The following TAS2R50 variants were observed in gnomAD, a reference collection of about 807,000 sequenced individuals.
TAS2R50 encodes the protein taste 2 receptor member 50.
For synonymous variants in TAS2R50, 140 were observed against 126.9 expected, an observed-to-expected ratio of 1.10 and a Z score of -0.70; for missense variants, 372 against 347.0, an observed-to-expected ratio of 1.07 and a Z score of -0.57.
rs1939597581 is a variant in TAS2R50 at position 10,986,013 on chromosome 12, G to C, written c.848C>G (p.Thr283Ser). The C allele has an allele frequency of 6.2e-7, 1 of 1,613,740 alleles. No individual in the cohort carries two copies. The highest frequency in any genetic ancestry group is 1.3e-5 in the African/African-American group (1 of 74,844). ...AFDSFILIWR[T>S]KKLKHTFLLI... ...AAGAAAGGTGTGTTTTAGCTTCTTG[G>C]TTCTCCAAATTAGGATGAATGAGTC... Residue 283 changes from threonine (T) to serine (S), a missense_variant, in exon 1 of 1, where the codon ACC (threonine) becomes AGC (serine). Physicochemically the swap from Thr to Ser is moderately conservative, Grantham distance 58. Coordinates refer to ENST00000506868, the MANE Select transcript of TAS2R50 (RefSeq NM_176890.2).
Position 10,986,494 on chromosome 12 carries a change from T to G in TAS2R50, c.367A>C (p.Arg123=). 1 of 1,614,084 alleles carries G rather than the reference T, an allele frequency of 6.2e-7. No individual in the cohort carries two copies. Among genetic ancestry groups the G allele is most frequent in the Middle Eastern group, 1.6e-4 (1 of 6,062 alleles). The change falls in exon 1 of 1, where the codon AGG becomes CGG. Residue 123 remains arginine (R), a synonymous_variant. Transcript: ENST00000506868. The part of the protein sequence containing the change: ...FSNLLFLHLK[R]RVRSVILVIL... ...ACCAGAATGACACTCCTAACTCTCCTCTTTAAATGAAGAAAAAGAAGGTTG... is the reference window on the plus strand; with the variant it reads ...ACCAGAATGACACTCCTAACTCTCCGCTTTAAATGAAGAAAAAGAAGGTTG...
rs763724290 is a variant in TAS2R50 at position 10,986,051 on chromosome 12, T to C, written c.810A>G (p.Ile270Met). 10 of 1,613,952 alleles carry C rather than the reference T, an allele frequency of 6.2e-6. No individual in the cohort carries two copies. Among genetic ancestry groups the C allele is most frequent in the African/African-American group, 1.3e-5 (1 of 74,876 alleles). The change falls in exon 1 of 1, where the codon ATA becomes ATG. Residue 270 changes from isoleucine to methionine, a missense_variant. Ile to Met is a conservative substitution (Grantham distance 10). Coordinates refer to ENST00000506868, the MANE Select transcript of TAS2R50 (RefSeq NM_176890.2). ...GGATGAATGAGTCGAATGCAAGATA[T>C]ATGTTTCCAACAGCCTTGCTAACCA... ...VVMVSKAVGN[I>M]YLAFDSFILI...
chr12:10,986,187 A>T lies in TAS2R50; in HGVS notation c.674T>A (p.Ile225Lys). ...GGAGATCAGAGTTTGCAAAGCTTTTATGTGGACCTTGGTGCTGAGATCTTG... is the reference window on the plus strand; with the variant it reads ...GGAGATCAGAGTTTGCAAAGCTTTTTTGTGGACCTTGGTGCTGAGATCTTG... ...GSQDLSTKVHIKALQTLISFL... is the reference protein window; with the variant it reads ...GSQDLSTKVHKKALQTLISFL... The change falls in exon 1 of 1, where the codon ATA becomes AAA. Residue 225 changes from isoleucine (I) to lysine (K), a missense_variant. Ile to Lys is a moderately radical substitution (Grantham distance 102). Transcript: ENST00000506868. The T allele has an allele frequency of 6.2e-7, 1 of 1,614,082 alleles. No homozygotes were observed. Among genetic ancestry groups the T allele is most frequent in the Non-Finnish European group, 8.5e-7 (1 of 1,180,000 alleles).
In TAS2R50 at chr12:10,986,204, G is replaced by A. The variant is rs1939613545; in HGVS notation, c.657C>T (p.Leu219=). ...AAGCTTTTATGTGGACCTTGGTGCT[G>A]AGATCTTGCGATCCTTCTCCATGGA... ...MQLHGEGSQD[L]STKVHIKALQ... Residue 219 remains leucine, a synonymous_variant, in exon 1 of 1, where the codon CTC becomes CTT. Coordinates refer to ENST00000506868, the MANE Select transcript of TAS2R50 (RefSeq NM_176890.2). 2 of 1,613,976 alleles carry A rather than the reference G, an allele frequency of 1.2e-6. No homozygotes were observed. Among genetic ancestry groups the A allele is most frequent in the African/African-American group, 2.7e-5 (2 of 74,878 alleles).
Position 10,986,043 on chromosome 12 carries a change from G to A in TAS2R50, c.818C>T (p.Ala273Val). Residue 273 changes from alanine to valine, a missense_variant, in exon 1 of 1, where the codon GCA becomes GTA. Physicochemically the swap from Ala to Val is moderately conservative, Grantham distance 64. Coordinates refer to ENST00000506868, the MANE Select transcript of TAS2R50 (RefSeq NM_176890.2). ...CCAAATTAGGATGAATGAGTCGAAT[G>A]CAAGATATATGTTTCCAACAGCCTT... ...VSKAVGNIYL[A>V]FDSFILIWRT... The A allele has an allele frequency of 6.2e-7, 1 of 1,614,040 alleles. No homozygotes were observed. The highest frequency in any genetic ancestry group is 8.5e-7 in the Non-Finnish European group (1 of 1,179,980).
At position 10,986,680 on chromosome 12, in the gene TAS2R50, C is replaced by T; in HGVS notation, c.181G>A (p.Ala61Thr). Residue 61 changes from alanine (A) to threonine (T), a missense_variant, in exon 1 of 1, where the codon GCA (alanine) becomes ACA (threonine). Coordinates refer to ENST00000506868, the MANE Select transcript of TAS2R50 (RefSeq NM_176890.2). ...LAVSRIGLLWALLLNWYLTVL... is the reference protein window; with the variant it reads ...LAVSRIGLLWTLLLNWYLTVL... ...GTTAAATACCAATTTAATAATAATG[C>T]CCAGAGCAAACCAATTCTGGAGACC... 1.2e-6 allele frequency: 2 copies of T among 1,612,196 alleles called. No homozygotes were observed. The highest frequency in any genetic ancestry group is 1.7e-6 in the Non-Finnish European group (2 of 1,179,578).
Position 10,986,771 on chromosome 12 carries a change from T to C in TAS2R50, c.90A>G (p.Val30=). Residue 30 remains valine (V), a synonymous_variant, in exon 1 of 1, where the codon GTA becomes GTG. Coordinates refer to ENST00000506868, the MANE Select transcript of TAS2R50 (RefSeq NM_176890.2). Reference sequence around the variant, plus strand: ...TTCTCTTCACCCAGTCAATGAAATTTACCAGTGCTATGAAGCCATTGGCAA... The same window carrying C: ...TTCTCTTCACCCAGTCAATGAAATTCACCAGTGCTATGAAGCCATTGGCAA... ...GNFANGFIAL[V]NFIDWVKRKK... 1 of 1,608,348 alleles carries C rather than the reference T, an allele frequency of 6.2e-7. No individual in the cohort carries two copies. The highest frequency in any genetic ancestry group is 8.5e-7 in the Non-Finnish European group (1 of 1,178,740).
In TAS2R50 at chr12:10,986,481, C is replaced by T. The variant is rs11054133; in HGVS notation, c.380G>A (p.Ser127Asn). 4 of 1,613,916 alleles carry T rather than the reference C, an allele frequency of 2.5e-6. No homozygotes were observed. Among genetic ancestry groups the T allele is most frequent in the African/African-American group, 2.7e-5 (2 of 74,832 alleles). ...CCCCAACAGTATCACCAGAATGACA[C>T]TCCTAACTCTCCTCTTTAAATGAAG... ...LFLHLKRRVRSVILVILLGTL... is the reference protein window; with the variant it reads ...LFLHLKRRVRNVILVILLGTL... The change falls in exon 1 of 1, where the codon AGT (serine) becomes AAT (asparagine). Residue 127 changes from serine (S) to asparagine (N), a missense_variant. Ser to Asn is a conservative substitution (Grantham distance 46). Coordinates refer to ENST00000506868, the MANE Select transcript of TAS2R50 (RefSeq NM_176890.2).
rs956373776 is a variant in TAS2R50 at position 10,986,014 on chromosome 12, T to C, written c.847A>G (p.Thr283Ala). The change falls in exon 1 of 1, where the codon ACC (threonine) becomes GCC (alanine). Residue 283 changes from threonine to alanine, a missense_variant. Coordinates refer to ENST00000506868, the MANE Select transcript of TAS2R50 (RefSeq NM_176890.2). ...AFDSFILIWR[T>A]KKLKHTFLLI... ...AGAAAGGTGTGTTTTAGCTTCTTGG[T>C]TCTCCAAATTAGGATGAATGAGTCG... is the stretch of plus-strand genomic sequence containing the variant. The C allele has an allele frequency of 6.8e-6, 11 of 1,613,804 alleles. No homozygotes were observed. Among genetic ancestry groups the C allele is most frequent in the African/African-American group, 1.3e-5 (1 of 74,872 alleles).
Position 10,986,683 on chromosome 12 carries a change from A to T in TAS2R50, c.178T>A (p.Trp60Arg). ...ALAVSRIGLL[W>R]ALLLNWYLTV... ...AAATACCAATTTAATAATAATGCCC[A>T]GAGCAAACCAATTCTGGAGACCGCC... Residue 60 changes from tryptophan to arginine, a missense_variant, in exon 1 of 1, where the codon TGG becomes AGG. Trp to Arg is a moderately radical substitution (Grantham distance 101). Coordinates refer to ENST00000506868, the MANE Select transcript of TAS2R50 (RefSeq NM_176890.2). 6.2e-7 allele frequency: 1 copy of T among 1,612,596 alleles called. No individual in the cohort carries two copies. Among genetic ancestry groups the T allele is most frequent in the South Asian group, 1.1e-5 (1 of 90,622 alleles).
Position 10,986,057 on chromosome 12 carries a change from T to C in TAS2R50, c.804A>G (p.Gly268=), listed in dbSNP as rs1318574085. The change falls in exon 1 of 1, where the codon GGA becomes GGG. Residue 268 remains glycine, a synonymous_variant. Coordinates refer to ENST00000506868, the MANE Select transcript of TAS2R50 (RefSeq NM_176890.2). ...DPVVMVSKAV[G]NIYLAFDSFI... ...ATGAGTCGAATGCAAGATATATGTT[T>C]CCAACAGCCTTGCTAACCATGACAA... The C allele has an allele frequency of 6.2e-7, 1 of 1,614,054 alleles. No homozygotes were observed. Among genetic ancestry groups the C allele is most frequent in the East Asian group, 2.2e-5 (1 of 44,872 alleles).
chr12:10,986,309 G>C lies in TAS2R50; in HGVS notation c.552C>G (p.Ser184Arg). The stretch of plus-strand genomic sequence containing the variant: ...TCAGGGACAGAGTAAAGGGTATGAA[G>C]CTCCATAGGGTAGTTACAGTCAAAT... ...LSYLTVTTLWSFIPFTLSLIS... is the reference protein window; with the variant it reads ...LSYLTVTTLWRFIPFTLSLIS... Residue 184 changes from serine (S) to arginine (R), a missense_variant, in exon 1 of 1, where the codon AGC becomes AGG. By Grantham distance (110) the Ser-to-Arg change is moderately radical. Transcript: ENST00000506868. 1 of 1,614,026 alleles carries C rather than the reference G, an allele frequency of 6.2e-7. No homozygotes were observed. Among genetic ancestry groups the C allele is most frequent in the Non-Finnish European group, 8.5e-7 (1 of 1,180,002 alleles).
At position 10,986,694 on chromosome 12, in the gene TAS2R50, A is replaced by G. The variant is rs760638530; in HGVS notation, c.167T>C (p.Ile56Thr). 6 of 1,612,538 alleles carry G rather than the reference A, an allele frequency of 3.7e-6. No individual in the cohort carries two copies. Among genetic ancestry groups the G allele is most frequent in the Non-Finnish European group, 5.1e-6 (6 of 1,179,710 alleles). ...QILTALAVSR[I>T]GLLWALLLNW... ...TAATAATAATGCCCAGAGCAAACCA[A>G]TTCTGGAGACCGCCAGAGCAGTGAG... is the stretch of plus-strand genomic sequence containing the variant. The change falls in exon 1 of 1, where the codon ATT (isoleucine) becomes ACT (threonine). Residue 56 changes from isoleucine (I) to threonine (T), a missense_variant. Transcript: ENST00000506868.
chr12:10,986,381 T>G lies in TAS2R50; in HGVS notation c.480A>C (p.Gly160=). Reference sequence around the variant, plus strand: ...TCAATTTCATCTTCCCAGTCATGTTTCCTTCATATTCTTCTGCCCACATAC... The same window carrying G: ...TCAATTTCATCTTCCCAGTCATGTTGCCTTCATATTCTTCTGCCCACATAC... ...DESMWAEEYE[G]NMTGKMKLRN... is the part of the protein sequence containing the mutation. The change falls in exon 1 of 1, where the codon GGA becomes GGC. Residue 160 remains glycine (G), a synonymous_variant. Coordinates refer to ENST00000506868, the MANE Select transcript of TAS2R50 (RefSeq NM_176890.2). The G allele has an allele frequency of 6.2e-7, 1 of 1,614,076 alleles. No homozygotes were observed. Among genetic ancestry groups the G allele is most frequent in the Non-Finnish European group, 8.5e-7 (1 of 1,180,008 alleles).
At position 10,986,434 on chromosome 12, in the gene TAS2R50, G is replaced by A. The variant is rs748579859; in HGVS notation, c.427C>T (p.His143Tyr). ...TCATCCATGTTTGCCACAAGAAGATGACAAACCAAAAATATCAAAGTCCCC... is the reference window on the plus strand; with the variant it reads ...TCATCCATGTTTGCCACAAGAAGATAACAAACCAAAAATATCAAAGTCCCC... ...LLGTLIFLVCHLLVANMDESM... is the reference protein window; with the variant it reads ...LLGTLIFLVCYLLVANMDESM... The change falls in exon 1 of 1, where the codon CAT (histidine) becomes TAT (tyrosine). Residue 143 changes from histidine to tyrosine, a missense_variant. Transcript: ENST00000506868. 1 of 1,613,984 alleles carries A rather than the reference G, an allele frequency of 6.2e-7. No individual in the cohort carries two copies. Among genetic ancestry groups the A allele is most frequent in the South Asian group, 1.1e-5 (1 of 91,076 alleles).
Position 10,986,799 on chromosome 12 carries a change from T to A in TAS2R50, c.62A>T (p.Asn21Ile). The A allele has an allele frequency of 6.3e-7, 1 of 1,579,858 alleles. No individual in the cohort carries two copies. Among genetic ancestry groups the A allele is most frequent in the Non-Finnish European group, 8.5e-7 (1 of 1,171,354 alleles). The change falls in exon 1 of 1, where the codon AAC becomes ATC. Residue 21 changes from asparagine (N) to isoleucine (I), a missense_variant. Physicochemically the swap from Asn to Ile is moderately radical, Grantham distance 149. Transcript: ENST00000506868. ...CAGTGCTATGAAGCCATTGGCAAAG[T>A]TTCCGAGAACAAATAAAACCATTAT... ...ILIMVLFVLG[N>I]FANGFIALVN... is the part of the protein sequence containing the mutation.
In TAS2R50 at chr12:10,986,408, C is replaced by T. The variant is rs537572710; in HGVS notation, c.453G>A (p.Glu151=). ...CTTCATATTCTTCTGCCCACATACT[C>T]TCATCCATGTTTGCCACAAGAAGAT... ...VCHLLVANMD[E]SMWAEEYEGN... Residue 151 remains glutamate, a synonymous_variant, in exon 1 of 1, where the codon GAG becomes GAA. Transcript: ENST00000506868. 42 of 1,614,050 alleles carry T rather than the reference C, an allele frequency of 2.6e-5. No homozygotes were observed. In the South Asian group the frequency reaches 4.6e-4, roughly 18 times the overall value.
chr12:10,986,226 T>A lies in TAS2R50; in HGVS notation c.635A>T (p.His212Leu). 1 of 1,614,144 alleles carries A rather than the reference T, an allele frequency of 6.2e-7. No homozygotes were observed. The highest frequency in any genetic ancestry group is 8.5e-7 in the Non-Finnish European group (1 of 1,180,024). ...GCTGAGATCTTGCGATCCTTCTCCA[T>A]GGAGCTGCATCTTCTTGAGATGTTT... ...LCKHLKKMQLHGEGSQDLSTK... is the reference protein window; with the variant it reads ...LCKHLKKMQLLGEGSQDLSTK... The change falls in exon 1 of 1, where the codon CAT becomes CTT. Residue 212 changes from histidine to leucine, a missense_variant. Physicochemically the swap from His to Leu is moderately conservative, Grantham distance 99 (BLOSUM62 -3). Coordinates refer to ENST00000506868, the MANE Select transcript of TAS2R50 (RefSeq NM_176890.2).
rs752042990 is a variant in TAS2R50 at position 10,986,647 on chromosome 12, T to C, written c.214A>G (p.Asn72Asp). 36 of 1,613,120 alleles carry C rather than the reference T, an allele frequency of 2.2e-5. No individual in the cohort carries two copies. In the South Asian group the frequency reaches 4.0e-4, roughly 18 times the overall value. The change falls in exon 1 of 1, where the codon AAT (asparagine) becomes GAT (aspartate). Residue 72 changes from asparagine (N) to aspartate (D), a missense_variant. Transcript: ENST00000506868. The stretch of plus-strand genomic sequence containing the variant: ...AATTCTACACTATAAAAAGCTGGAT[T>C]CAACACAGTTAAATACCAATTTAAT... ...LLLNWYLTVL[N>D]PAFYSVELRI...
Sources: gnomAD v4.1 joint callset for allele counts on GRCh38, gnomAD v4.1.1 for gene constraint, MANE v1.5 for transcripts, NCBI Gene and HGNC (gene_info 2026-07-23, HGNC 2026-07-21) for gene names.